XPO6: variants seen among roughly 807,000 people sequenced by gnomAD.
XPO6 encodes exportin-6.
A neutral mutation model predicts 130.0 loss-of-function variants in XPO6; 3 were observed. The ratio of observed to expected loss-of-function variants is 0.02; its 90% CI spans 0.01 to 0.06. The LOEUF is 0.06. Among genes scored for constraint, XPO6 ranks in the 10% least tolerant of loss-of-function variants. XPO6 has a pLI of 1.00. For missense variants in XPO6, 970 were observed against 1,393.0 expected (o/e 0.70, Z 4.83); for synonymous variants, 524 against 548.9 (o/e 0.95, Z 0.63).
intron 21 of XPO6, among the ~76,000 whole-genome samples, chr16:28,102,349 A>T (rs887880045): frequency 1.3e-5 from 2 of 152,180 alleles, no homozygotes; most frequent in Non-Finnish European, 2.9e-5. Flanking sequence ...CAAGCCCTAC[A>T]GGCTCCTTCA....
intron 23 of XPO6, among the ~76,000 whole-genome samples, chr16:28,099,189 ACAGTC>A (rs1351653387): frequency 1.8e-4 from 27 of 152,166 alleles, no homozygotes; most frequent in African/African-American, 6.3e-4. Flanking sequence ...AGCAGCAAAC[ACAGTC>A]CCAAGGCCTG....
rs569056776 is a variant in XPO6, at chr16:28,109,935, G to T, written c.2341+1882C>A. On this transcript the variant is annotated intron_variant, in intron 17 of 23. Transcript: ENST00000304658. ...AAACAGCTGGCTTTTAAGAAAAAGT[G>T]TGTTGCAGAAAAAAGCATAAATGTG... 4.6e-5 allele frequency among the ~76,000 whole-genome samples: 7 copies of T among 152,356 alleles called. No individual in the cohort carries two copies. The East Asian group carries it at 1.3e-3, about 29-fold the overall frequency.
intron 4 of XPO6, among the ~76,000 whole-genome samples, chr16:28,172,141 C>T (rs943215126): frequency 6.6e-5 from 10 of 152,100 alleles, no homozygotes; most frequent in Admixed American, 5.9e-4. Context: ...AGGCAAGAAG[C>T]CAGATGAAAA....
At chr16:28,108,175 C>A (rs1433064754) in intron 17 of XPO6, among the ~76,000 whole-genome samples, 3 of 152,164 alleles carry the variant, frequency 2.0e-5, no homozygotes, top group Admixed American at 2.0e-4. Context: ...ACCTGCCATG[C>A]ACATGTAATG....
chr16:28,165,393 A>G (rs769803584), intron 6 of XPO6: 6 of 152,202 alleles, frequency 3.9e-5, no homozygotes, highest in African/African-American at 9.7e-5. Flanking sequence ...ATATCTACCT[A>G]AAGAATAAAG....
rs745332504 is a variant in XPO6 at position 28,169,765 on chromosome 16, G to T, written c.550C>A (p.Leu184Ile). ...KLLLDQVQTV[L>I]GLLTGILETV... ...TACTGCTCACCTGTCAGTAGCCCAA[G>T]CACTGTCTGCACCTGGTCCAGTAGC... Residue 184 changes from leucine (L) to isoleucine (I), a missense_variant, in exon 5 of 24, where the codon CTT (leucine) becomes ATT (isoleucine). Physicochemically the swap from Leu to Ile is conservative, Grantham distance 5. Around this residue, in one of 4 missense-constraint regions of XPO6, gnomAD observed 936 missense variants for 1,306.8 expected, o/e 0.72. Transcript: ENST00000304658. 1 of 1,613,956 alleles carries T rather than the reference G, an allele frequency of 6.2e-7. No individual in the cohort carries two copies. Among genetic ancestry groups the T allele is most frequent in the Non-Finnish European group, 8.5e-7 (1 of 1,179,928 alleles).
chr16:28,117,254 G>C (rs2141257568), intron 15 of XPO6, 64 bp downstream of exon 15: 4 of 1,586,182 alleles, frequency 2.5e-6, no homozygotes, highest in Admixed American at 1.7e-5. Context: ...CTAGTAAATG[G>C]GTATAGGAAC....
intron 1 of XPO6, among the ~76,000 whole-genome samples, chr16:28,203,760 AAC>A (rs1329926995): frequency 6.6e-6 from 1 of 152,198 alleles, no homozygotes; most frequent in Non-Finnish European, 1.5e-5. Context: ...TTTAAGTGAC[AAC>A]TCCCTTACCA....
chr16:28,132,726 A>G lies in XPO6; in HGVS notation c.1537-323T>C, dbSNP rs1405100186. Among the ~76,000 whole-genome samples the G allele has an allele frequency of 6.6e-6, 1 of 151,976 alleles. No individual in the cohort carries two copies. The highest frequency in any genetic ancestry group is 2.4e-5 in the African/African-American group (1 of 41,384). ...CCTAATAGAGGAGATCAAACCCTGA[A>G]ATGACCTACACCTTCTAGAACTCTG... On this transcript the variant is annotated intron_variant, in intron 11 of 23. Coordinates refer to ENST00000304658, the MANE Select transcript of XPO6 (RefSeq NM_015171.4). The surrounding 1 kb of genome is among the most constrained non-coding windows in gnomAD (Gnocchi z 4.0).
intron 5 of XPO6, 108 bp from the exon 6 acceptor site, chr16:28,166,693 C>T (rs2141845480): frequency 6.6e-7 from 1 of 1,513,368 alleles, no homozygotes; most frequent in Non-Finnish European, 8.9e-7. Flanking sequence ...AGTACTTGAA[C>T]ATCCCTTTCT....
At position 28,098,588 on chromosome 16, in the gene XPO6, A is replaced by G. The variant is rs1354468069; in HGVS notation, c.3328T>C (p.Tyr1110His). Residue 1110 changes from tyrosine to histidine, a missense_variant, in exon 24 of 24, where the codon TAC (tyrosine) becomes CAC (histidine). This residue lies in a region of XPO6 where 936 missense variants were observed against 1,306.8 expected (regional missense o/e 0.72). Transcript: ENST00000304658. ...NVHRLVNDLR[Y>H]YRLCNDSLPP... The stretch of plus-strand genomic sequence containing the variant: ...AGGCTGTCGTTGCAGAGTCTGTAGT[A>G]GCGCAGGTCGTTGACCAGCCTGTGC... 1 of 1,613,064 alleles carries G rather than the reference A, an allele frequency of 6.2e-7. No individual in the cohort carries two copies. The highest frequency in any genetic ancestry group is 8.5e-7 in the Non-Finnish European group (1 of 1,179,342).
chr16:28,201,467 C>G (rs1344919933), intron 1 of XPO6, among the ~76,000 whole-genome samples: 1 of 152,156 alleles, frequency 6.6e-6, no homozygotes, highest in Non-Finnish European at 1.5e-5. Flanking sequence ...CCTCCTCACC[C>G]CCAGGCTTGG....
chr16:28,112,402 G>A (rs957666943), intron 16 of XPO6, among the ~76,000 whole-genome samples: 10 of 152,156 alleles, frequency 6.6e-5, no homozygotes, highest in Non-Finnish European at 1.3e-4. Flanking sequence ...CCTAGCACCA[G>A]GTCACATCCT....
At chr16:28,124,773 A>C (rs899688262) in intron 13 of XPO6, among the ~76,000 whole-genome samples, 2 of 152,244 alleles carry the variant, frequency 1.3e-5, no homozygotes, top group Non-Finnish European at 2.9e-5. Context: ...TAAGGGATTT[A>C]AGCCCCTTGG....
chr16:28,152,590 T>A, intron 8 of XPO6, 69 bp downstream of exon 8: 1 of 1,541,096 alleles, frequency 6.5e-7, no homozygotes, highest in Non-Finnish European at 8.7e-7. Context: ...AAGAAAAAGT[T>A]CTTTCTTCTC....
intron 1 of XPO6, among the ~76,000 whole-genome samples, chr16:28,210,901 C>T (rs1300045441): frequency 6.6e-6 from 1 of 152,196 alleles, no homozygotes; most frequent in African/African-American, 2.4e-5. Flanking sequence ...TGCCTAGGTT[C>T]AAAGTCAGAT....
chr16:28,129,049 G>A (rs1305195378), intron 12 of XPO6, among the ~76,000 whole-genome samples: 1 of 152,202 alleles, frequency 6.6e-6, no homozygotes, highest in African/African-American at 2.4e-5. Context: ...TGCTGGGTGT[G>A]TGTTTTAAAC....
chr16:28,183,982 T>C (rs368023889), intron 1 of XPO6, among the ~76,000 whole-genome samples: 36 of 152,336 alleles, frequency 2.4e-4, no homozygotes, highest in African/African-American at 8.7e-4. Flanking sequence ...GAGAATTCCC[T>C]GGCTCCCGTT....
At chr16:28,199,640 C>T (rs896405856) in intron 1 of XPO6, among the ~76,000 whole-genome samples, 2 of 151,814 alleles carry the variant, frequency 1.3e-5, no homozygotes, top group Non-Finnish European at 2.9e-5. Context: ...AATCTCAGCC[C>T]ACTACAACCT....
Sources: allele counts gnomAD v4.1 joint callset (sites outside exome capture counted in the v4.1 genomes callset), GRCh38; gene constraint gnomAD v4.1.1; regional missense constraint gnomAD v4.1.1; non-coding constraint Gnocchi (gnomAD v3.1); transcripts MANE v1.5; gene names NCBI Gene and HGNC (gene_info 2026-07-23, HGNC 2026-07-21).